Variants in ATL2 observed in about 807,000 individuals in gnomAD.
ATL2 encodes the protein atlastin-2.
In ATL2, 31 loss-of-function variants were observed where a neutral mutation model predicts 73.9. The ratio of observed to expected loss-of-function variants is 0.42; its 90% confidence interval spans 0.32 to 0.57. The LOEUF is 0.57. Among genes scored for constraint, ATL2 ranks in the 20% least tolerant of loss-of-function variants. The pLI is 0.14. For missense variants in ATL2, 738 were observed against 702.6 expected, an observed-to-expected ratio of 1.05 and a Z score of -0.57; for synonymous variants, 291 against 237.5, an observed-to-expected ratio of 1.23 and a Z score of -2.07.
intron 1 of ATL2, among the ~76,000 whole-genome samples, chr2:38,375,381 A>G (rs1003189738): frequency 5.3e-5 from 8 of 152,218 alleles, no homozygotes; most frequent in African/African-American, 1.9e-4. Context: ...AGGAATGGCT[A>G]TCAAGTGAAG....
chr2:38,307,865 A>T (rs890752836), intron 9 of ATL2, among the ~76,000 whole-genome samples: 13 of 152,180 alleles, frequency 8.5e-5, no homozygotes, highest in African/African-American at 3.1e-4. Flanking sequence ...TGAAAACATC[A>T]CTGATCATCA....
intron 2 of ATL2, among the ~76,000 whole-genome samples, chr2:38,322,169 A>C (rs912912543): frequency 6.6e-6 from 1 of 151,412 alleles, no homozygotes; most frequent in African/African-American, 2.5e-5. Context: ...TGACATGGAG[A>C]ATCTCATTCC....
At position 38,307,734 on chromosome 2, in the gene ATL2, T is replaced by C. The variant is rs114878737; in HGVS notation, c.1071+1645A>G. Among the ~76,000 whole-genome samples, 846 of 151,932 alleles carry C rather than the reference T, an allele frequency of 5.6e-3. 8 individuals carry two copies. The highest frequency in any genetic ancestry group is 0.019 in the African/African-American group (799 of 41,428). Reference sequence around the variant, plus strand: ...ATAAGGGATTAGTAACCAGACTATATAAGGAGTTCAAACAACTCTACAGGG... The same window carrying C: ...ATAAGGGATTAGTAACCAGACTATACAAGGAGTTCAAACAACTCTACAGGG... On this transcript the variant is annotated intron_variant, in intron 9 of 12. Transcript: ENST00000378954.
chr2:38,298,561 G>C lies in ATL2; in HGVS notation c.1215C>G (p.Asp405Glu), dbSNP rs760398662. ...CKSMEQVCGG[D>E]KPYIAPSDLE... is the part of the protein sequence containing the mutation. The stretch of plus-strand genomic sequence containing the variant: ...GATCTGAAGGTGCAATGTAAGGCTT[G>C]TCCCCTCCACATACCTGGACAGACA... The change falls in exon 12 of 13, where the codon GAC (aspartate) becomes GAG (glutamate). Residue 405 changes from aspartate to glutamate, a missense_variant. Physicochemically the swap from Asp to Glu is conservative, Grantham distance 45 (BLOSUM62 2). Coordinates refer to ENST00000378954, the MANE Select transcript of ATL2 (RefSeq NM_001135673.4). The C allele has an allele frequency of 7.4e-6, 12 of 1,613,800 alleles. No homozygotes were observed. Among genetic ancestry groups the C allele is most frequent in the Middle Eastern group, 3.3e-4 (2 of 6,062 alleles).
At chr2:38,359,608 C>A (rs1385772155) in intron 1 of ATL2, 1 of 152,104 alleles carries the variant, frequency 6.6e-6, no homozygotes, top group Non-Finnish European at 1.5e-5. Flanking sequence ...TTGAAATGTA[C>A]CCCGTTTCCA....
At chr2:38,366,491 G>C (rs1214339400) in intron 1 of ATL2, among the ~76,000 whole-genome samples, 1 of 152,086 alleles carries the variant, frequency 6.6e-6, no homozygotes, top group Non-Finnish European at 1.5e-5. Context: ...TTTAAATTAT[G>C]TCATAAAAAG....
At chr2:38,351,432 T>G (rs1670329796) in intron 1 of ATL2, among the ~76,000 whole-genome samples, 1 of 152,060 alleles carries the variant, frequency 6.6e-6, no homozygotes, top group Non-Finnish European at 1.5e-5. Flanking sequence ...AGCCATATAC[T>G]GACATATTAT....
At chr2:38,326,739 GCACTCGGGGAGGC>G (rs1181398957) in intron 2 of ATL2, among the ~76,000 whole-genome samples, 4 of 152,172 alleles carry the variant, frequency 2.6e-5, no homozygotes, top group Non-Finnish European at 1.5e-5. Flanking sequence ...TATAATCCCA[GCACTCGGGGAGGC>G]CGAGGCAGGT....
intron 1 of ATL2, among the ~76,000 whole-genome samples, chr2:38,347,018 C>A (rs540589532): frequency 9.2e-5 from 14 of 152,310 alleles, no homozygotes; most frequent in African/African-American, 3.4e-4. Flanking sequence ...AGGCTTCCAA[C>A]CAAGTTTAGT....
rs1414573408 is a variant in ATL2 at position 38,349,000 on chromosome 2, G to A, written c.119-5488C>T. Among the ~76,000 whole-genome samples, 41 of 151,710 alleles carry A rather than the reference G, an allele frequency of 2.7e-4. 3 individuals carry two copies. The highest frequency in any genetic ancestry group is 9.8e-4 in the Admixed American group (15 of 15,256). ...ACCATCTCACACCAGTTAGAATGGCGATCATTAAAAAGTCAGGAAACAACA... is the reference window on the plus strand; with the variant it reads ...ACCATCTCACACCAGTTAGAATGGCAATCATTAAAAAGTCAGGAAACAACA... On this transcript the variant is annotated intron_variant, in intron 1 of 12. Transcript: ENST00000378954.
At chr2:38,324,398 G>A (rs1486927099) in intron 2 of ATL2, among the ~76,000 whole-genome samples, 1 of 152,202 alleles carries the variant, frequency 6.6e-6, no homozygotes, top group African/African-American at 2.4e-5. Flanking sequence ...CTAATCAGGA[G>A]ACAGGTTATG....
chr2:38,377,485 G>A (rs546889643), upstream of ATL2, among the ~76,000 whole-genome samples: 264 of 146,730 alleles, frequency 1.8e-3, 3 homozygotes, highest in African/African-American at 6.4e-3. Flanking sequence ...CTGCCCGCCT[G>A]CAGATCCGTC....
At chr2:38,365,144 C>CACACACACACACACACACACAAAT (rs747042160) in intron 1 of ATL2, among the ~76,000 whole-genome samples, 9 of 148,410 alleles carry the variant, frequency 6.1e-5, no homozygotes, top group Non-Finnish European at 1.3e-4. Flanking sequence ...TACACACACA[C>CACACACACACACACACACACAAAT]ACACACACAC....
intron 9 of ATL2, among the ~76,000 whole-genome samples, chr2:38,307,857 A>C (rs1344582112): frequency 6.6e-6 from 1 of 152,158 alleles, no homozygotes; most frequent in African/African-American, 2.4e-5. Context: ...ACAGGATATG[A>C]AAACATCACT....
At chr2:38,334,144 C>T (rs1223601912) in intron 2 of ATL2, among the ~76,000 whole-genome samples, 2 of 151,190 alleles carry the variant, frequency 1.3e-5, no homozygotes, top group Non-Finnish European at 2.9e-5. Context: ...GTTCTCCTGC[C>T]TCAGCCTCCT....
chr2:38,325,698 G>GCACA (rs1558412109), intron 2 of ATL2, among the ~76,000 whole-genome samples: 10 of 4,098 alleles, frequency 2.4e-3, no homozygotes, highest in Non-Finnish European at 4.6e-3. Flanking sequence ...ACACACACCA[G>GCACA]TACACACACA....
At chr2:38,301,911 C>G (rs947496263) in intron 9 of ATL2, among the ~76,000 whole-genome samples, 1 of 151,998 alleles carries the variant, frequency 6.6e-6, no homozygotes, top group Non-Finnish European at 1.5e-5. Context: ...TAGTTCACAG[C>G]TCTGAGAGAG....
At chr2:38,350,111 C>T (rs956217034) in intron 1 of ATL2, among the ~76,000 whole-genome samples, 1 of 152,060 alleles carries the variant, frequency 6.6e-6, no homozygotes, top group South Asian at 2.1e-4. Context: ...TCTCTAAATT[C>T]CACACCACTC....
chr2:38,305,018 C>T (rs1372601398), intron 9 of ATL2, among the ~76,000 whole-genome samples: 1 of 151,806 alleles, frequency 6.6e-6, no homozygotes, highest in African/African-American at 2.4e-5. Flanking sequence ...CACACTTCAT[C>T]TATAAAGACA....
Sources: allele counts gnomAD v4.1 joint callset (sites outside exome capture counted in the v4.1 genomes callset), GRCh38; gene constraint gnomAD v4.1.1; transcripts MANE v1.5; gene names NCBI Gene and HGNC (gene_info 2026-07-23, HGNC 2026-07-21).